SSBP3: variants seen among roughly 807,000 people sequenced by gnomAD.
The protein encoded by SSBP3 is single-stranded DNA-binding protein 3.
A neutral mutation model predicts 69.6 loss-of-function variants in SSBP3; 5 were observed. The ratio of observed to expected loss-of-function variants is 0.07; its 90% CI spans 0.04 to 0.15. The LOEUF (loss-of-function observed/expected upper bound fraction) is 0.15. SSBP3 is among the 10% of genes least tolerant of loss of function. The probability of loss-of-function intolerance (pLI) is 1.00; values close to 1 mark genes in which losing one functional copy is unlikely to be tolerated. For missense variants in SSBP3, 312 were observed against 534.0 expected (o/e 0.58, Z 4.10); for synonymous variants, 196 against 193.4 (o/e 1.01, Z -0.11).
intron 4 of SSBP3, among the ~76,000 whole-genome samples, chr1:54,289,030 AAAAAAAC>A (rs1383759503): frequency 4.3e-5 from 3 of 70,370 alleles, no homozygotes; most frequent in Admixed American, 1.8e-4. Context: ...CAAAAAAAAA[AAAAAAAC>A]AAAAAAACAA....
chr1:54,346,858 C>A (rs1395313864), intron 4 of SSBP3, among the ~76,000 whole-genome samples: 1 of 152,080 alleles, frequency 6.6e-6, no homozygotes, highest in Non-Finnish European at 1.5e-5. Context: ...CCTATGGCAG[C>A]CTTGGGGGAT....
chr1:54,238,730 G>T, intron 14 of SSBP3: 1 of 314,056 alleles, frequency 3.2e-6, no homozygotes, highest in South Asian at 3.4e-5. Flanking sequence ...CTTGCTGCTG[G>T]CTCCACCCTC....
chr1:54,225,531 AC>A, exon 18 of SSBP3: 1 of 870,024 alleles, frequency 1.1e-6, no homozygotes, highest in South Asian at 6.1e-5. Context: ...TTAATTCAGA[AC>A]CAGACTACAA....
chr1:54,350,803 G>C lies in SSBP3; in HGVS notation c.276+51058C>G, dbSNP rs72912126. ...TATCAACGTGTAAATAAACTCAAGA[G>C]TCTGGACACAGAAATAGAACCCGCA... On this transcript the variant is annotated intron_variant, in intron 4 of 17. Coordinates refer to ENST00000610401, the Ensembl canonical transcript of SSBP3. Among the ~76,000 whole-genome samples the C allele has an allele frequency of 5.8e-3, 883 of 152,178 alleles. 15 individuals carry two copies. Among genetic ancestry groups the C allele is most frequent in the African/African-American group, 0.02 (850 of 41,512 alleles).
At chr1:54,356,291 G>A (rs910885523) in intron 4 of SSBP3, 3 of 152,280 alleles carry the variant, frequency 2.0e-5, no homozygotes, top group African/African-American at 7.2e-5. Context: ...GGGGAGGGGT[G>A]AAAGTCCACA....
At chr1:54,249,312 A>C (rs1644786085) in intron 9 of SSBP3, among the ~76,000 whole-genome samples, 1 of 152,372 alleles carries the variant, frequency 6.6e-6, no homozygotes, top group South Asian at 2.1e-4. Context: ...CCAAGCAACT[A>C]GAGGTCTTAA....
chr1:54,350,050 T>C lies in SSBP3; in HGVS notation c.276+51811A>G, dbSNP rs191619673. 5.9e-3 allele frequency among the ~76,000 whole-genome samples: 893 copies of C among 152,306 alleles called. 9 individuals are homozygous for C. The highest frequency in any genetic ancestry group is 0.021 in the African/African-American group (859 of 41,570). On this transcript the variant is annotated intron_variant, in intron 4 of 17. Coordinates refer to ENST00000610401, the Ensembl canonical transcript of SSBP3. Reference sequence around the variant, plus strand: ...CTACCATTTCCACCTCTATTGGCTGTGCCTCACCTGCCACGCCAACCTGGG... The same window carrying C: ...CTACCATTTCCACCTCTATTGGCTGCGCCTCACCTGCCACGCCAACCTGGG...
rs1418514894 is a variant in SSBP3 at position 54,251,785 on chromosome 1, C to T, written c.574+9G>A. The T allele has an allele frequency of 2.5e-6, 4 of 1,610,954 alleles. No individual in the cohort carries two copies. The highest frequency in any genetic ancestry group is 3.4e-6 in the Non-Finnish European group (4 of 1,179,338). On this transcript the variant is annotated intron_variant, in intron 8 of 17. Coordinates refer to ENST00000610401, the Ensembl canonical transcript of SSBP3. The stretch of plus-strand genomic sequence containing the variant: ...CCCAGCCACCCTAGGCCCACCCTGC[C>T]CTCTCTACCTTGTTGTCGTGTGGGA...
chr1:54,238,132 G>A, intron 14 of SSBP3: 1 of 470,762 alleles, frequency 2.1e-6, no homozygotes, highest in South Asian at 1.5e-5. Context: ...TGGCAACGGA[G>A]GCAGGCCAGA....
chr1:54,393,948 C>T (rs1196208774), intron 4 of SSBP3, among the ~76,000 whole-genome samples: 1 of 152,148 alleles, frequency 6.6e-6, no homozygotes, highest in African/African-American at 2.4e-5. Flanking sequence ...TTAGTAAAGA[C>T]AGAGTTTCAT....
intron 4 of SSBP3, among the ~76,000 whole-genome samples, chr1:54,394,756 G>A (rs568942288): frequency 3.8e-4 from 53 of 139,936 alleles, no homozygotes; most frequent in Non-Finnish European, 6.3e-4. Flanking sequence ...ATGCTGGAGT[G>A]CAATGGCGCC....
chr1:54,242,363 A>G, intron 10 of SSBP3, 151 bp from the exon 11 acceptor site: 1 of 734,590 alleles, frequency 1.4e-6, no homozygotes, highest in Non-Finnish European at 2.3e-6. Context: ...TCAGGGCAGT[A>G]ATGGGTAACT....
chr1:54,298,312 G>T (rs1373700535), intron 4 of SSBP3, among the ~76,000 whole-genome samples: 1 of 152,172 alleles, frequency 6.6e-6, no homozygotes, highest in East Asian at 1.9e-4. Context: ...CACACGGAAG[G>T]CACGAACCCA....
chr1:54,368,836 C>A (rs534697693), intron 4 of SSBP3, among the ~76,000 whole-genome samples: 1 of 152,332 alleles, frequency 6.6e-6, no homozygotes, highest in Admixed American at 6.5e-5. Context: ...GTGGCTCTCA[C>A]TTACTAGGGA....
At chr1:54,393,150 T>C (rs1648618746) in intron 4 of SSBP3, among the ~76,000 whole-genome samples, 1 of 152,204 alleles carries the variant, frequency 6.6e-6, no homozygotes, top group Admixed American at 6.5e-5. Flanking sequence ...TGGACAGTGA[T>C]GGGGCAACTT....
chr1:54,353,647 A>C (rs1646818523), intron 4 of SSBP3, among the ~76,000 whole-genome samples: 1 of 152,158 alleles, frequency 6.6e-6, no homozygotes, highest in Admixed American at 6.5e-5. Context: ...TCAGAGAAAA[A>C]CAGGCAGGGT....
At chr1:54,266,126 G>A (rs867977742) in intron 5 of SSBP3, among the ~76,000 whole-genome samples, 2 of 152,238 alleles carry the variant, frequency 1.3e-5, no homozygotes, top group South Asian at 4.1e-4. Context: ...TTTCTCCAGC[G>A]CCTGGACTGC....
At chr1:54,238,029 C>A (rs946443) in intron 14 of SSBP3, 33,891 of 400,688 alleles carry the variant, frequency 0.085, 2,164 homozygotes, top group South Asian at 0.2. Context: ...GCATCACTGA[C>A]AAAACCCAGG....
At chr1:54,388,604 G>A (rs1022014051) in intron 4 of SSBP3, among the ~76,000 whole-genome samples, 8 of 152,210 alleles carry the variant, frequency 5.3e-5, no homozygotes, top group African/African-American at 1.4e-4. Context: ...TTCCGGACTC[G>A]CTGTCCAGTG....
Sources: gnomAD v4.1 joint callset for allele counts (sites outside exome capture counted in the v4.1 genomes callset) on GRCh38, gnomAD v4.1.1 for gene constraint, MANE v1.5 for transcripts, NCBI Gene and HGNC (gene_info 2026-07-23, HGNC 2026-07-21) for gene names.